The following STK3 variants were observed in gnomAD, a reference collection of about 807,000 sequenced individuals.
The protein encoded by STK3 is serine/threonine-protein kinase 3.
In STK3, 41 loss-of-function variants were observed where a neutral mutation model predicts 58.0. The ratio of observed to expected loss-of-function variants is 0.71; its 90% CI spans 0.55 to 0.92. The LOEUF is 0.92. Ranked by LOEUF, STK3 falls within the 40% of genes least tolerant of loss-of-function variation. The probability of loss-of-function intolerance (pLI) is 0.00; values close to 1 mark genes in which losing one functional copy is unlikely to be tolerated. For synonymous variants in STK3, 170 were observed against 191.0 expected, an observed-to-expected ratio of 0.89 and a Z score of 0.91; for missense variants, 479 against 602.7, an observed-to-expected ratio of 0.79 and a Z score of 2.15.
At chr8:98,729,957 T>G (rs913456661) in intron 4 of STK3, among the ~76,000 whole-genome samples, 1 of 152,216 alleles carries the variant, frequency 6.6e-6, no homozygotes, top group Non-Finnish European at 1.5e-5. Context: ...ATTTCTCATC[T>G]GGAAAATGGG....
At chr8:98,801,357 C>T (rs1833533035) in intron 1 of STK3, among the ~76,000 whole-genome samples, 1 of 152,146 alleles carries the variant, frequency 6.6e-6, no homozygotes, top group African/African-American at 2.4e-5. Flanking sequence ...GCTGCCCAAG[C>T]CAGCAGTGGT....
intron 7 of STK3, among the ~76,000 whole-genome samples, chr8:98,588,389 T>C (rs1428019591): frequency 1.3e-5 from 2 of 151,546 alleles, no homozygotes; most frequent in Non-Finnish European, 3.0e-5. Flanking sequence ...AAATTCTGGG[T>C]TGAAAATTCT....
chr8:98,877,261 T>C (rs1837588698), intron 3 of STK3, among the ~76,000 whole-genome samples: 1 of 152,182 alleles, frequency 6.6e-6, no homozygotes, highest in Non-Finnish European at 1.5e-5. Flanking sequence ...CAATTCAATG[T>C]GAGTCTGGAA....
chr8:98,756,964 C>T (rs1830322675), intron 3 of STK3, among the ~76,000 whole-genome samples: 1 of 152,172 alleles, frequency 6.6e-6, no homozygotes, highest in African/African-American at 2.4e-5. Flanking sequence ...CCTGTTTACC[C>T]TATCTCACCT....
At chr8:98,577,245 G>A (rs1453286507) in intron 8 of STK3, among the ~76,000 whole-genome samples, 1 of 152,140 alleles carries the variant, frequency 6.6e-6, no homozygotes, top group Non-Finnish European at 1.5e-5. Context: ...CCAGCACTTT[G>A]GGAGGCCGAG....
In STK3 at chr8:98,685,018, A is replaced by G. The variant is rs147426960; in HGVS notation, c.684+21449T>C. Among the ~76,000 whole-genome samples the G allele has an allele frequency of 3.9e-4, 59 of 152,264 alleles. 1 individual carries two copies. The highest frequency in any genetic ancestry group is 3.4e-3 in the Middle Eastern group (1 of 292). The stretch of plus-strand genomic sequence containing the variant: ...GCATAATGGATCACACTGTGAAAAT[A>G]TTTCTACCATGGACCACAATTTTAA... On this transcript the variant is annotated intron_variant, in intron 6 of 10. Coordinates refer to ENST00000419617, the MANE Select transcript of STK3 (RefSeq NM_006281.4).
At chr8:98,920,687 C>T (rs750089124) in intron 1 of STK3, among the ~76,000 whole-genome samples, 3 of 152,152 alleles carry the variant, frequency 2.0e-5, no homozygotes, top group Non-Finnish European at 4.4e-5. Flanking sequence ...GCAAGCCCCC[C>T]ATGCTCCTGT....
chr8:98,929,041 G>A (rs956306447), intron 1 of STK3, among the ~76,000 whole-genome samples: 16 of 152,188 alleles, frequency 1.1e-4, no homozygotes, highest in Non-Finnish European at 2.4e-4. Flanking sequence ...CAAGGCGGGT[G>A]GATCACCTGA....
intron 1 of STK3, among the ~76,000 whole-genome samples, chr8:98,915,431 C>CATATATATATATATAT (rs1564102087): frequency 2.9e-5 from 1 of 34,164 alleles, no homozygotes; most frequent in Non-Finnish European, 4.7e-5. Flanking sequence ...AATAAACTTT[C>CATATATATATATATAT]CTATATATAT....
chr8:98,874,027 A>G (rs1837475061), intron 3 of STK3, among the ~76,000 whole-genome samples: 1 of 152,144 alleles, frequency 6.6e-6, no homozygotes, highest in African/African-American at 2.4e-5. Flanking sequence ...AGCTCTTGTA[A>G]GGCAGGCCTG....
intron 1 of STK3, among the ~76,000 whole-genome samples, chr8:98,920,894 CA>C (rs1839533023): frequency 1.3e-5 from 2 of 152,264 alleles, no homozygotes; most frequent in Non-Finnish European, 1.5e-5. Context: ...CTGCCTCTTA[CA>C]GGCATACCTG....
intron 6 of STK3, among the ~76,000 whole-genome samples, chr8:98,654,304 C>G (rs191105779): frequency 6.6e-6 from 1 of 152,170 alleles, no homozygotes; most frequent in Non-Finnish European, 1.5e-5. Context: ...TAAAAACTCT[C>G]AATAAGTTAG....
chr8:98,751,533 G>A (rs1034187324), intron 3 of STK3, among the ~76,000 whole-genome samples: 2 of 152,068 alleles, frequency 1.3e-5, no homozygotes, highest in African/African-American at 4.8e-5. Flanking sequence ...AACTACATAG[G>A]AAGACAGCAA....
intron 3 of STK3, among the ~76,000 whole-genome samples, chr8:98,840,622 T>TAC (rs1441952355): frequency 8.3e-6 from 1 of 119,808 alleles, no homozygotes; most frequent in African/African-American, 3.2e-5. Flanking sequence ...TATATATATA[T>TAC]ATATATACAC....
chr8:98,655,034 C>G (rs549968432), intron 6 of STK3, among the ~76,000 whole-genome samples: 336 of 151,962 alleles, frequency 2.2e-3, no homozygotes, highest in African/African-American at 7.8e-3. Context: ...CAAGTCAATC[C>G]TAAGCCAAAA....
intron 1 of STK3, among the ~76,000 whole-genome samples, chr8:98,893,512 G>A (rs147507578): frequency 0.019 from 2,352 of 121,384 alleles, 21 homozygotes; most frequent in African/African-American, 0.025. Flanking sequence ...AAGAAAGAAA[G>A]AAAGAAAGAA....
chr8:98,698,517 A>C (rs1825208572), intron 6 of STK3, among the ~76,000 whole-genome samples: 1 of 152,072 alleles, frequency 6.6e-6, no homozygotes, highest in Admixed American at 6.5e-5. Flanking sequence ...GTTCCTTTCC[A>C]TGTTTAGTGC....
chr8:98,614,781 T>C (rs1368184185), intron 6 of STK3, among the ~76,000 whole-genome samples: 1 of 152,148 alleles, frequency 6.6e-6, no homozygotes, highest in Non-Finnish European at 1.5e-5. Flanking sequence ...CACGAGACTA[T>C]ATCCCACACC....
At chr8:98,614,915 G>C (rs943430895) in intron 6 of STK3, among the ~76,000 whole-genome samples, 1 of 152,204 alleles carries the variant, frequency 6.6e-6, no homozygotes, top group Admixed American at 6.5e-5. Context: ...GGCTTGCTTA[G>C]GTAAACAAAG....
Sources: allele counts gnomAD v4.1 joint callset (sites outside exome capture counted in the v4.1 genomes callset), GRCh38; gene constraint gnomAD v4.1.1; transcripts MANE v1.5; gene names NCBI Gene and HGNC (gene_info 2026-07-23, HGNC 2026-07-21).